TDRD3: variants seen among roughly 807,000 people sequenced by gnomAD.
The protein encoded by TDRD3 is tudor domain-containing protein 3.
Under a neutral mutation model 86.7 loss-of-function variants are expected in TDRD3, and 45 were observed. The ratio of observed to expected loss-of-function variants is 0.52; its 90% CI spans 0.41 to 0.67. TDRD3 has a LOEUF of 0.67. Among genes scored for constraint, TDRD3 ranks in the 30% least tolerant of loss-of-function variants. The pLI is 0.00. For missense variants in TDRD3, 814 were observed against 889.0 expected (o/e 0.92, Z 1.07); for synonymous variants, 298 against 301.7 (o/e 0.99, Z 0.13).
intron 1 of TDRD3, among the ~76,000 whole-genome samples, chr13:60,412,484 A>G (rs1294957211): frequency 6.6e-6 from 1 of 152,166 alleles, no homozygotes; most frequent in Non-Finnish European, 1.5e-5. Context: ...CTATAATAGT[A>G]GGTAGTATGG....
At chr13:60,417,335 G>A (rs1037108805) in intron 1 of TDRD3, among the ~76,000 whole-genome samples, 21 of 148,784 alleles carry the variant, frequency 1.4e-4, no homozygotes, top group African/African-American at 4.9e-4. Flanking sequence ...TTGCTTTCAT[G>A]ATTTAAACTA....
intron 8 of TDRD3, among the ~76,000 whole-genome samples, chr13:60,505,935 G>A (rs1296793148): frequency 2.0e-5 from 3 of 152,164 alleles, no homozygotes; most frequent in Non-Finnish European, 4.4e-5. Context: ...CAGGAAGAAT[G>A]GAACCAAGTT....
At chr13:60,426,461 T>G (rs2137894106) in intron 1 of TDRD3, among the ~76,000 whole-genome samples, 1 of 152,340 alleles carries the variant, frequency 6.6e-6, no homozygotes, top group East Asian at 1.9e-4. Flanking sequence ...GATAGATATG[T>G]TAATAAGCTT....
intron 1 of TDRD3, among the ~76,000 whole-genome samples, chr13:60,433,178 G>A (rs771016863): frequency 1.1e-4 from 16 of 152,134 alleles, no homozygotes; most frequent in Non-Finnish European, 2.4e-4. Context: ...AGGAAGTCAA[G>A]TTGCAGTTCA....
chr13:60,449,132 T>G (rs1346220797), intron 3 of TDRD3, among the ~76,000 whole-genome samples: 1 of 152,156 alleles, frequency 6.6e-6, no homozygotes, highest in Non-Finnish European at 1.5e-5. Context: ...AAAGTGAAGG[T>G]TCTCTTGCCC....
At chr13:60,534,000 A>G (rs1957643213) in intron 11 of TDRD3, among the ~76,000 whole-genome samples, 1 of 152,236 alleles carries the variant, frequency 6.6e-6, no homozygotes, top group Non-Finnish European at 1.5e-5. Flanking sequence ...CTAGTTAATT[A>G]ACAGATAAAT....
intron 1 of TDRD3, among the ~76,000 whole-genome samples, chr13:60,428,098 A>C (rs1954855650): frequency 6.6e-6 from 1 of 151,844 alleles, no homozygotes; most frequent in African/African-American, 2.4e-5. Context: ...TCATCAGTCC[A>C]GTTTCTGCCT....
At chr13:60,496,328 T>G (rs1595022113) in intron 8 of TDRD3, among the ~76,000 whole-genome samples, 1 of 97,422 alleles carries the variant, frequency 1.0e-5, no homozygotes, top group East Asian at 3.0e-4. Flanking sequence ...TATATATATA[T>G]ATATATATAT....
rs150055757 is a variant in TDRD3 at position 60,403,068 on chromosome 13, C to T, written c.41+5663C>T. Among the ~76,000 whole-genome samples the T allele has an allele frequency of 2.8e-3, 425 of 151,690 alleles. 6 individuals carry two copies. Among genetic ancestry groups the T allele is most frequent in the African/African-American group, 9.6e-3 (396 of 41,352 alleles). On this transcript the variant is annotated intron_variant, in intron 1 of 13. Coordinates refer to ENST00000377881, the MANE Select transcript of TDRD3 (RefSeq NM_001146070.2). Reference sequence around the variant, plus strand: ...CAGCTTCTGCTGATACTGTAAACTGCGAAAAATGACTGGATGTTTTGTTAA... The same window carrying T: ...CAGCTTCTGCTGATACTGTAAACTGTGAAAAATGACTGGATGTTTTGTTAA...
intron 7 of TDRD3, among the ~76,000 whole-genome samples, chr13:60,492,160 A>G (rs1956602096): frequency 6.6e-6 from 1 of 152,232 alleles, no homozygotes; most frequent in African/African-American, 2.4e-5. Flanking sequence ...TCCTTAATCC[A>G]TACAATGGAA....
At chr13:60,397,043 A>C, upstream of TDRD3, 1 of 248,314 alleles carries the variant, frequency 4.0e-6, no homozygotes, top group East Asian at 7.0e-5. Flanking sequence ...CCCCAAAACA[A>C]GTAAAAGCCT....
intron 8 of TDRD3, among the ~76,000 whole-genome samples, chr13:60,504,832 A>G (rs1000135090): frequency 1.3e-5 from 2 of 152,130 alleles, no homozygotes; most frequent in Admixed American, 6.5e-5. Context: ...GGGAAGCACA[A>G]GGGGTCGGGG....
chr13:60,484,182 A>G (rs1437342607), intron 6 of TDRD3, among the ~76,000 whole-genome samples: 1 of 152,074 alleles, frequency 6.6e-6, no homozygotes, highest in Non-Finnish European at 1.5e-5. Context: ...TCACTTGTTC[A>G]TTAAAAACAT....
intron 10 of TDRD3, among the ~76,000 whole-genome samples, chr13:60,513,909 T>C (rs1957112581): frequency 6.6e-6 from 1 of 152,036 alleles, no homozygotes; most frequent in African/African-American, 2.4e-5. Flanking sequence ...TATAGTAAAT[T>C]GGTACCAGCA....
chr13:60,515,434 A>G (rs1250740997), intron 10 of TDRD3, among the ~76,000 whole-genome samples: 1 of 152,178 alleles, frequency 6.6e-6, no homozygotes, highest in Non-Finnish European at 1.5e-5. Flanking sequence ...GATTCATGAT[A>G]ACACACATAA....
intron 4 of TDRD3, among the ~76,000 whole-genome samples, chr13:60,465,198 A>G (rs1024511210): frequency 6.6e-6 from 1 of 152,212 alleles, no homozygotes; most frequent in Admixed American, 6.5e-5. Context: ...ACTTGACTAC[A>G]TAGGTCTTAG....
At chr13:60,440,055 T>C (rs1343587749) in intron 2 of TDRD3, among the ~76,000 whole-genome samples, 1 of 152,176 alleles carries the variant, frequency 6.6e-6, no homozygotes, top group Non-Finnish European at 1.5e-5. Context: ...TTACAATAGC[T>C]ACGTAATAGT....
intron 10 of TDRD3, among the ~76,000 whole-genome samples, chr13:60,511,561 A>G (rs1271151628): frequency 1.3e-5 from 2 of 152,326 alleles, no homozygotes; most frequent in East Asian, 3.9e-4. Flanking sequence ...AGTGGCTTAA[A>G]ACAATGCAAC....
In TDRD3 at chr13:60,505,786, T is replaced by G. The variant is rs111656033; in HGVS notation, c.859-3977T>G. Among the ~76,000 whole-genome samples, 513 of 152,068 alleles carry G rather than the reference T, an allele frequency of 3.4e-3. 4 individuals are homozygous for G. Among genetic ancestry groups the G allele is most frequent in the African/African-American group, 0.012 (489 of 41,444 alleles). On this transcript the variant is annotated intron_variant, in intron 8 of 13. Coordinates refer to ENST00000377881, the MANE Select transcript of TDRD3 (RefSeq NM_001146070.2). Reference sequence around the variant, plus strand: ...AAAGTGGAAGAAAGGATATCAGAGATTGAAGATCAACTTAATGAAATAAAG... The same window carrying G: ...AAAGTGGAAGAAAGGATATCAGAGAGTGAAGATCAACTTAATGAAATAAAG...
Sources: gnomAD v4.1 joint callset for allele counts (sites outside exome capture counted in the v4.1 genomes callset) on GRCh38, gnomAD v4.1.1 for gene constraint, MANE v1.5 for transcripts, NCBI Gene and HGNC (gene_info 2026-07-23, HGNC 2026-07-21) for gene names.